Variants in XPO1 observed in about 807,000 individuals in gnomAD.
The protein encoded by XPO1 is exportin-1.
In XPO1, 5 loss-of-function variants were observed where a neutral mutation model predicts 133.3. The observed-to-expected ratio is 0.04, with a 90% CI of 0.02 to 0.08. XPO1 has a LOEUF of 0.08. XPO1 is among the 10% of genes least tolerant of loss of function. The pLI is 1.00. For missense variants in XPO1, 506 were observed against 1,267.5 expected, an observed-to-expected ratio of 0.40 and a Z score of 9.12; for synonymous variants, 419 against 408.2, an observed-to-expected ratio of 1.03 and a Z score of -0.32.
At chr2:61,525,680 G>A in intron 3 of XPO1, 2 of 1,025,414 alleles carry the variant, frequency 2.0e-6, no homozygotes, top group Admixed American at 5.8e-5. Context: ...AGGAAGTTCT[G>A]GACTGTATTT....
In XPO1 at chr2:61,506,232, C is replaced by A. The variant is rs1252327546; in HGVS notation, c.302-3922G>T. ...GGTCAGGAGTTCCAGACCAGCCTGG[C>A]CAACATGGTGAAACCCTGTCTCTAA... is the stretch of plus-strand genomic sequence containing the variant. On this transcript the variant is annotated intron_variant, in intron 4 of 24. Coordinates refer to ENST00000401558, the MANE Select transcript of XPO1 (RefSeq NM_003400.4). 3.9e-5 allele frequency among the ~76,000 whole-genome samples: 6 copies of A among 152,258 alleles called. No individual in the cohort carries two copies. In the East Asian group the frequency reaches 1.2e-3, roughly 29 times the overall value.
intron 4 of XPO1, among the ~76,000 whole-genome samples, chr2:61,502,800 T>G (rs1697600161): frequency 6.6e-6 from 1 of 151,926 alleles, no homozygotes; most frequent in South Asian, 2.1e-4. Flanking sequence ...AAAGATGGGA[T>G]CTGGCATTGT....
intron 6 of XPO1, 53 bp downstream of exon 6, chr2:61,501,943 G>C: frequency 6.9e-7 from 1 of 1,454,994 alleles, no homozygotes. Context: ...CGAACATTTT[G>C]TTCAAATAAT....
chr2:61,513,516 G>A (rs1005651498), intron 4 of XPO1, among the ~76,000 whole-genome samples: 1 of 151,436 alleles, frequency 6.6e-6, no homozygotes, highest in South Asian at 2.1e-4. Context: ...GTAGACATGC[G>A]GTTTCACCCT....
intron 2 of XPO1, among the ~76,000 whole-genome samples, chr2:61,527,943 TA>T (rs1192862732): frequency 3.3e-5 from 5 of 151,564 alleles, no homozygotes; most frequent in Non-Finnish European, 5.9e-5. Flanking sequence ...TTTTTTTTTT[TA>T]AAGTTGGAGT....
rs1462168267 is a variant in XPO1, at chr2:61,506,434, C to T, written c.302-4124G>A. On this transcript the variant is annotated intron_variant, in intron 4 of 24. Transcript: ENST00000401558. ...CAAGACTCCGTCTCAAAAACAACAACAAAAAATTCCAACTGTAGGCCAGGA... is the reference window on the plus strand; with the variant it reads ...CAAGACTCCGTCTCAAAAACAACAATAAAAAATTCCAACTGTAGGCCAGGA... 2.6e-5 allele frequency among the ~76,000 whole-genome samples: 4 copies of T among 151,184 alleles called. No homozygotes were observed. In the East Asian group the frequency reaches 7.8e-4, roughly 30 times the overall value.
chr2:61,490,787 A>G lies in XPO1; in HGVS notation c.1888-11T>C. The G allele has an allele frequency of 6.2e-7, 1 of 1,609,824 alleles. No individual in the cohort carries two copies. Among genetic ancestry groups the G allele is most frequent in the Non-Finnish European group, 8.5e-7 (1 of 1,178,640 alleles). On this transcript the variant is annotated splice_polypyrimidine_tract_variant and intron_variant, in intron 16 of 24. Coordinates refer to ENST00000401558, the MANE Select transcript of XPO1 (RefSeq NM_003400.4). The stretch of plus-strand genomic sequence containing the variant: ...ATAAAACGTATGAACCTATTTTAAA[A>G]AGCAGACATTTTAACGTTTATGTTA...
intron 16 of XPO1, among the ~76,000 whole-genome samples, chr2:61,491,459 AAC>A (rs61072503): frequency 0.035 from 4,968 of 142,892 alleles, 260 homozygotes; most frequent in African/African-American, 0.11. Flanking sequence ...TCAAAAAACA[AAC>A]ACACACACAC....
chr2:61,509,047 C>A (rs1318906927), intron 4 of XPO1, among the ~76,000 whole-genome samples: 1 of 152,086 alleles, frequency 6.6e-6, no homozygotes, highest in African/African-American at 2.4e-5. Flanking sequence ...GTGGCCCAGG[C>A]TGGAGTGCAA....
intron 19 of XPO1, 57 bp downstream of exon 19, chr2:61,488,107 TA>T: frequency 6.9e-7 from 1 of 1,444,720 alleles, no homozygotes; most frequent in Non-Finnish European, 9.7e-7. Context: ...GAGTATAGCA[TA>T]TTCCATAAAA....
At chr2:61,514,079 C>T (rs1698231966) in intron 4 of XPO1, among the ~76,000 whole-genome samples, 1 of 151,290 alleles carries the variant, frequency 6.6e-6, no homozygotes, top group Admixed American at 6.6e-5. Flanking sequence ...CCCAGCTACT[C>T]AGGAGACTGA....
chr2:61,482,600 T>TGG, intron 22 of XPO1, 61 bp from the exon 23 acceptor site: 1 of 1,334,858 alleles, frequency 7.5e-7, no homozygotes, highest in Non-Finnish European at 9.7e-7. Flanking sequence ...TCTTAGCGTT[T>TGG]TTTTTTGTTT....
At chr2:61,509,299 C>T (rs1467975038) in intron 4 of XPO1, among the ~76,000 whole-genome samples, 2 of 152,076 alleles carry the variant, frequency 1.3e-5, no homozygotes, top group African/African-American at 4.8e-5. Context: ...GCCACCACGC[C>T]CAACCCCAAA....
intron 4 of XPO1, among the ~76,000 whole-genome samples, chr2:61,516,861 CTTTT>C (rs375167349): frequency 1.3e-4 from 20 of 151,180 alleles, no homozygotes; most frequent in South Asian, 4.2e-4. Flanking sequence ...GAGGCTTCCT[CTTTT>C]TTTTTATTTG....
chr2:61,492,073 T>A lies in XPO1; in HGVS notation c.1849A>T (p.Asn617Tyr). The change falls in exon 16 of 25, where the codon AAC (asparagine) becomes TAC (tyrosine). Residue 617 changes from asparagine (N) to tyrosine (Y), a missense_variant. Coordinates refer to ENST00000401558, the MANE Select transcript of XPO1 (RefSeq NM_003400.4). The surrounding 1 kb of genome is among the most constrained non-coding windows in gnomAD (Gnocchi z 5.6). ...VMPFIDEILN[N>Y]INTIICDLQP... The stretch of plus-strand genomic sequence containing the variant: ...AGATCACAAATAATAGTGTTAATGT[T>A]GTTCAAAATTTCATCAATAAATGGC... 6.2e-7 allele frequency: 1 copy of A among 1,614,212 alleles called. No individual in the cohort carries two copies. Among genetic ancestry groups the A allele is most frequent in the Non-Finnish European group, 8.5e-7 (1 of 1,180,030 alleles).
At position 61,495,519 on chromosome 2, in the gene XPO1, G is replaced by T; in HGVS notation, c.983C>A (p.Thr328Asn). Reference protein sequence around the residue: ...FIQNLSLFLCTFLKEHDQLIE... With the variant: ...FIQNLSLFLCNFLKEHDQLIE... ...AAGTTGATCATGTTCCTTAAGAAAG[G>T]TGCAGAGAAACAAACTGAGATTTTG... Residue 328 changes from threonine (T) to asparagine (N), a missense_variant, in exon 11 of 25, where the codon ACC (threonine) becomes AAC (asparagine). By Grantham distance (65) the Thr-to-Asn change is moderately conservative (BLOSUM62 0). Coordinates refer to ENST00000401558, the MANE Select transcript of XPO1 (RefSeq NM_003400.4). 6.3e-7 allele frequency: 1 copy of T among 1,594,150 alleles called. No individual in the cohort carries two copies. Among genetic ancestry groups the T allele is most frequent in the Non-Finnish European group, 8.6e-7 (1 of 1,167,074 alleles).
intron 10 of XPO1, among the ~76,000 whole-genome samples, chr2:61,496,172 A>G (rs1214846537): frequency 1.3e-5 from 2 of 152,168 alleles, no homozygotes; most frequent in African/African-American, 2.4e-5. Context: ...AAAATAATCA[A>G]TTCATTCATT....
At chr2:61,516,708 C>T (rs1171532727) in intron 4 of XPO1, among the ~76,000 whole-genome samples, 3 of 151,970 alleles carry the variant, frequency 2.0e-5, no homozygotes, top group Non-Finnish European at 2.9e-5. Flanking sequence ...GCCACCATGC[C>T]CCGCCTGTGA....
chr2:61,491,492 A>ACC (rs1249552167), intron 16 of XPO1, among the ~76,000 whole-genome samples: 4 of 128,214 alleles, frequency 3.1e-5, no homozygotes, highest in African/African-American at 1.1e-4. Context: ...ACACACACAC[A>ACC]CACACCCCAA....
Sources: allele counts gnomAD v4.1 joint callset (sites outside exome capture counted in the v4.1 genomes callset), GRCh38; gene constraint gnomAD v4.1.1; non-coding constraint Gnocchi (gnomAD v3.1); transcripts MANE v1.5; gene names NCBI Gene and HGNC (gene_info 2026-07-23, HGNC 2026-07-21).